Variants in ATAD1 observed in about 807,000 individuals in gnomAD.
ATAD1 encodes ATPase family AAA domain containing 1, also known as outer mitochondrial transmembrane helix translocase.
In ATAD1, 18 loss-of-function variants were observed where a neutral mutation model predicts 42.7. The observed-to-expected ratio is 0.42, with a 90% CI of 0.29 to 0.63. The LOEUF (loss-of-function observed/expected upper bound fraction) is 0.63, where lower values mean the gene tolerates loss of function less well. Ranked by LOEUF, ATAD1 falls within the 20% of genes least tolerant of loss-of-function variation. The pLI is 0.19. For missense variants in ATAD1, 294 were observed against 440.4 expected (o/e 0.67, Z 2.98); for synonymous variants, 132 against 143.1 (o/e 0.92, Z 0.55).
intron 2 of ATAD1, among the ~76,000 whole-genome samples, chr10:87,812,335 G>T (rs1483242378): frequency 2.0e-5 from 3 of 152,060 alleles, no homozygotes; most frequent in Admixed American, 6.5e-5. Context: ...GGAGTGCAGG[G>T]GTGTGATCTT....
intron 8 of ATAD1, among the ~76,000 whole-genome samples, chr10:87,765,581 A>G (rs1435267764): frequency 1.3e-5 from 2 of 152,166 alleles, no homozygotes; most frequent in African/African-American, 4.8e-5. Context: ...TCCATAATAC[A>G]AAGAGTTCCT....
In ATAD1 at chr10:87,784,633, C is replaced by T. The variant is rs780373249; in HGVS notation, c.420G>A (p.Thr140=). The part of the protein sequence containing the change: ...LLYGPPGCGK[T]LIAKATAKEA... Reference sequence around the variant, plus strand: ...CTTTGGCTGTGGCCTTGGCAATCAACGTTTTACCACAGCCTGGAGGCCCAT... The same window carrying T: ...CTTTGGCTGTGGCCTTGGCAATCAATGTTTTACCACAGCCTGGAGGCCCAT... The change falls in exon 5 of 10, where the codon ACG becomes ACA. Residue 140 remains threonine, a synonymous_variant. Coordinates refer to ENST00000680024, the MANE Select transcript of ATAD1 (RefSeq NM_001321967.2). The T allele has an allele frequency of 4.1e-5, 66 of 1,612,836 alleles. No homozygotes were observed. Among genetic ancestry groups the T allele is most frequent in the Non-Finnish European group, 5.0e-5 (59 of 1,179,816 alleles).
At chr10:87,811,352 A>AATAAATAAATAAATAG (rs2132049557) in intron 2 of ATAD1, among the ~76,000 whole-genome samples, 1 of 152,190 alleles carries the variant, frequency 6.6e-6, no homozygotes, top group Non-Finnish European at 1.5e-5. Context: ...TAAATAAATA[A>AATAAATAAATAAATAG]ATAAATAAAA....
intron 1 of ATAD1, among the ~76,000 whole-genome samples, chr10:87,833,993 A>G (rs1413655822): frequency 2.6e-5 from 4 of 152,016 alleles, no homozygotes; most frequent in Non-Finnish European, 4.4e-5. Flanking sequence ...TGGGATTACA[A>G]GCATGAGCCA....
At chr10:87,809,135 T>G (rs1158459309) in intron 2 of ATAD1, among the ~76,000 whole-genome samples, 2 of 152,292 alleles carry the variant, frequency 1.3e-5, no homozygotes, top group African/African-American at 4.8e-5. Flanking sequence ...TTTCTAAGGG[T>G]TTACCCATAC....
chr10:87,790,382 T>G lies in ATAD1; in HGVS notation c.310A>C (p.Lys104Gln), dbSNP rs1214288355. 1.2e-6 allele frequency: 2 copies of G among 1,612,976 alleles called. No homozygotes were observed. The highest frequency in any genetic ancestry group is 1.7e-6 in the Non-Finnish European group (2 of 1,179,796). Residue 104 changes from lysine (K) to glutamine (Q), a missense_variant, in exon 4 of 10, where the codon AAA (lysine) becomes CAA (glutamine). Coordinates refer to ENST00000680024, the MANE Select transcript of ATAD1 (RefSeq NM_001321967.2). The stretch of plus-strand genomic sequence containing the variant: ...TTGATAGGTAAGATGACTGTGTCTT[T>G]CAGATCCGTAATGACATCATCTAAA... ...AGLDDVITDL[K>Q]DTVILPIKKK...
At chr10:87,809,976 C>A (rs774724882) in intron 2 of ATAD1, among the ~76,000 whole-genome samples, 20 of 151,746 alleles carry the variant, frequency 1.3e-4, no homozygotes, top group African/African-American at 4.6e-4. Flanking sequence ...CAATATTAGG[C>A]CTTTTTTGTT....
At chr10:87,767,603 T>C (rs1415797880) in intron 8 of ATAD1, 70 bp downstream of exon 8, 5 of 1,400,492 alleles carry the variant, frequency 3.6e-6, no homozygotes, top group Non-Finnish European at 5.0e-6. Context: ...TCCTTCCTCA[T>C]TTTTCTCTAA....
intron 1 of ATAD1, among the ~76,000 whole-genome samples, chr10:87,827,545 A>G (rs1372561077): frequency 2.0e-5 from 3 of 152,198 alleles, no homozygotes; most frequent in Non-Finnish European, 4.4e-5. Flanking sequence ...TCAAACATTT[A>G]AATTATTATA....
chr10:87,763,930 A>AATTAC (rs758819061), intron 8 of ATAD1, among the ~76,000 whole-genome samples: 21 of 152,298 alleles, frequency 1.4e-4, no homozygotes, highest in Non-Finnish European at 2.9e-4. Flanking sequence ...TTTCCTATGT[A>AATTAC]AGACAAATTG....
At chr10:87,795,026 T>C (rs1856315454) in intron 2 of ATAD1, among the ~76,000 whole-genome samples, 1 of 152,226 alleles carries the variant, frequency 6.6e-6, no homozygotes, top group South Asian at 2.1e-4. Context: ...AGGTAATTTA[T>C]AATCAACCCT....
At chr10:87,805,592 C>T (rs555693404) in intron 2 of ATAD1, among the ~76,000 whole-genome samples, 14 of 152,282 alleles carry the variant, frequency 9.2e-5, no homozygotes, top group African/African-American at 2.9e-4. Flanking sequence ...CCTCCACTCA[C>T]TCACTTTTAG....
intron 8 of ATAD1, among the ~76,000 whole-genome samples, chr10:87,762,896 C>A (rs961294582): frequency 1.0e-5 from 1 of 98,334 alleles, no homozygotes. Flanking sequence ...TGGTGAAACC[C>A]CGTCTCTACT....
chr10:87,827,703 C>T (rs1367868798), intron 1 of ATAD1, among the ~76,000 whole-genome samples: 1 of 152,146 alleles, frequency 6.6e-6, no homozygotes, highest in Non-Finnish European at 1.5e-5. Flanking sequence ...CTGTCCCTAT[C>T]CCTCTCCTCA....
At chr10:87,827,611 T>G (rs1291672360) in intron 1 of ATAD1, among the ~76,000 whole-genome samples, 1 of 152,198 alleles carries the variant, frequency 6.6e-6, no homozygotes, top group African/African-American at 2.4e-5. Context: ...GTGATTGTTC[T>G]GGGCACCACA....
chr10:87,812,924 G>C (rs143659202), intron 2 of ATAD1, among the ~76,000 whole-genome samples: 16 of 152,214 alleles, frequency 1.1e-4, no homozygotes, highest in Middle Eastern at 3.4e-3. Context: ...TTTTCTCTAA[G>C]AGCCACAGTT....
intron 2 of ATAD1, among the ~76,000 whole-genome samples, chr10:87,801,106 C>CT (rs1224496565): frequency 2.0e-5 from 3 of 152,196 alleles, no homozygotes; most frequent in Non-Finnish European, 2.9e-5. Context: ...ATTTTGGAGA[C>CT]TGTTTATAAA....
At chr10:87,792,548 A>C (rs1423469670) in intron 3 of ATAD1, 109 bp downstream of exon 3, 4 of 730,912 alleles carry the variant, frequency 5.5e-6, no homozygotes, top group Non-Finnish European at 9.3e-6. Flanking sequence ...CTTATGATTC[A>C]GCCTAGAGAA....
At chr10:87,829,037 C>T (rs1322579028) in intron 1 of ATAD1, among the ~76,000 whole-genome samples, 4 of 152,150 alleles carry the variant, frequency 2.6e-5, no homozygotes, top group Non-Finnish European at 5.9e-5. Flanking sequence ...AGATGTACAG[C>T]AGAATGTTGT....
Sources: allele counts gnomAD v4.1 joint callset (sites outside exome capture counted in the v4.1 genomes callset), GRCh38; gene constraint gnomAD v4.1.1; transcripts MANE v1.5; gene names NCBI Gene and HGNC (gene_info 2026-07-23, HGNC 2026-07-21).